The following CYP2J2 variants were observed in gnomAD, a reference collection of about 807,000 sequenced individuals.
CYP2J2 encodes the protein cytochrome P450 2J2.
A neutral mutation model predicts 48.8 loss-of-function variants in CYP2J2; 41 were observed. That is an observed-to-expected ratio of 0.84 (90% CI 0.66 to 1.09). The LOEUF (loss-of-function observed/expected upper bound fraction) is 1.09, where lower values mean the gene tolerates loss of function less well. Ranked by LOEUF, CYP2J2 falls within the 50% of genes least tolerant of loss-of-function variation. CYP2J2 has a pLI of 0.00. For synonymous variants in CYP2J2, 221 were observed against 227.1 expected, an observed-to-expected ratio of 0.97 and a Z score of 0.24; for missense variants, 644 against 617.3, an observed-to-expected ratio of 1.04 and a Z score of -0.46.
At chr1:59,916,741 G>C (rs1644469648) in intron 1 of CYP2J2, among the ~76,000 whole-genome samples, 1 of 151,956 alleles carries the variant, frequency 6.6e-6, no homozygotes, top group African/African-American at 2.4e-5. Flanking sequence ...TCAATATATA[G>C]ACATAGTAAA....
At chr1:59,918,219 T>C (rs1449663356) in intron 1 of CYP2J2, among the ~76,000 whole-genome samples, 1 of 152,186 alleles carries the variant, frequency 6.6e-6, no homozygotes, top group East Asian at 1.9e-4. Context: ...AATTCCTGGA[T>C]GAACTTCTTA....
the CYP2J2 span, among the ~76,000 whole-genome samples, chr1:59,959,484 C>T: frequency 1.6e-4 from 24 of 151,824 alleles, no homozygotes; most frequent in Admixed American, 2.6e-4. Flanking sequence ...GCACAATTCA[C>T]GATTGCAAAA....
chr1:59,925,767 A>C (rs930788753), intron 1 of CYP2J2, among the ~76,000 whole-genome samples: 11 of 152,368 alleles, frequency 7.2e-5, no homozygotes, highest in African/African-American at 2.6e-4. Context: ...GTTATGTACC[A>C]ACTATATGTC....
upstream of CYP2J2, among the ~76,000 whole-genome samples, chr1:59,927,390 T>A (rs945178362): frequency 1.3e-5 from 2 of 152,182 alleles, no homozygotes; most frequent in African/African-American, 2.4e-5. Context: ...CGATCCTTGC[T>A]GGTTTGCTCT....
At chr1:59,946,166 C>T in the CYP2J2 span, among the ~76,000 whole-genome samples, 1 of 152,190 alleles carries the variant, frequency 6.6e-6, no homozygotes, top group South Asian at 2.1e-4. Flanking sequence ...CTCTATATGG[C>T]CTGGCTTTTG....
At chr1:59,910,072 C>T in intron 4 of CYP2J2, 112 bp from the exon 5 acceptor site, 1 of 770,616 alleles carries the variant, frequency 1.3e-6, no homozygotes. Flanking sequence ...CACACTTAAA[C>T]CTTGGTTATC....
At chr1:59,968,489 G>A in the CYP2J2 span, among the ~76,000 whole-genome samples, 1 of 152,132 alleles carries the variant, frequency 6.6e-6, no homozygotes, top group East Asian at 1.9e-4. Context: ...GAGAAGAGAT[G>A]AGGCGGTGGG....
the CYP2J2 span, among the ~76,000 whole-genome samples, chr1:59,932,050 G>A: frequency 6.6e-6 from 1 of 151,990 alleles, no homozygotes; most frequent in Non-Finnish European, 1.5e-5. Flanking sequence ...TAGTAACTTG[G>A]TCATCATAAC....
At chr1:59,896,208 G>A (rs1202790188) in intron 8 of CYP2J2, among the ~76,000 whole-genome samples, 1 of 151,912 alleles carries the variant, frequency 6.6e-6, no homozygotes, top group Non-Finnish European at 1.5e-5. Flanking sequence ...TCCAGATGTT[G>A]TTGCCCCTAG....
intron 1 of CYP2J2, among the ~76,000 whole-genome samples, chr1:59,917,116 T>C (rs1367337191): frequency 6.6e-6 from 1 of 152,136 alleles, no homozygotes; most frequent in African/African-American, 2.4e-5. Flanking sequence ...TTTTTGAGCC[T>C]CAACTCCCCA....
At chr1:59,963,637 TC>T in the CYP2J2 span, among the ~76,000 whole-genome samples, 2 of 152,214 alleles carry the variant, frequency 1.3e-5, no homozygotes, top group African/African-American at 4.8e-5. Flanking sequence ...AATTAATGCT[TC>T]TATGAACATA....
At chr1:59,939,439 GTC>G in the CYP2J2 span, among the ~76,000 whole-genome samples, 7 of 151,880 alleles carry the variant, frequency 4.6e-5, no homozygotes, top group African/African-American at 7.3e-5. Context: ...AACAAATAGA[GTC>G]TCTCTCTCTC....
At chr1:59,932,941 T>G in the CYP2J2 span, among the ~76,000 whole-genome samples, 1 of 152,194 alleles carries the variant, frequency 6.6e-6, no homozygotes, top group Admixed American at 6.5e-5. Context: ...CCTCTAGTGA[T>G]CTGCCCTCTT....
the CYP2J2 span, among the ~76,000 whole-genome samples, chr1:59,932,747 C>T: frequency 6.6e-6 from 1 of 150,516 alleles, no homozygotes; most frequent in Non-Finnish European, 1.5e-5. Flanking sequence ...GTTGCCCAGG[C>T]TGGAGTGCAG....
At chr1:59,957,707 ACACACACAC>A in the CYP2J2 span, among the ~76,000 whole-genome samples, 2 of 151,512 alleles carry the variant, frequency 1.3e-5, no homozygotes, top group African/African-American at 2.4e-5. Flanking sequence ...CACACACCAC[ACACACACAC>A]CACACACACA....
the CYP2J2 span, among the ~76,000 whole-genome samples, chr1:59,949,021 A>C: frequency 6.6e-6 from 1 of 152,246 alleles, no homozygotes; most frequent in South Asian, 2.1e-4. Flanking sequence ...CAGCTTGGGC[A>C]ACATAGTGAG....
chr1:59,909,885 G>A lies in CYP2J2; in HGVS notation c.760C>T (p.Leu254=). ...ATCATATGAGAAACAAACAATTTCA[G>A]TTTTTTCCAGTTGCTGAAGAGAGTT... ...HQTLFSNWKK[L]KLFVSHMIDK... is the part of the protein sequence containing the mutation. Residue 254 remains leucine, a synonymous_variant, in exon 5 of 9, where the codon CTG becomes TTG. Coordinates refer to ENST00000371204, the MANE Select transcript of CYP2J2 (RefSeq NM_000775.4). The A allele has an allele frequency of 6.2e-7, 1 of 1,611,854 alleles. No individual in the cohort carries two copies. The highest frequency in any genetic ancestry group is 1.6e-4 in the Middle Eastern group (1 of 6,082).
chr1:59,926,340 C>A (rs904999652), intron 1 of CYP2J2, among the ~76,000 whole-genome samples, 197 bp downstream of exon 1: 1 of 152,086 alleles, frequency 6.6e-6, no homozygotes, highest in Non-Finnish European at 1.5e-5. Context: ...ATATTCCATC[C>A]CTAGAAAGTG....
chr1:59,928,572 C>T (rs1644587700), upstream of CYP2J2, among the ~76,000 whole-genome samples: 1 of 152,178 alleles, frequency 6.6e-6, no homozygotes, highest in African/African-American at 2.4e-5. Flanking sequence ...TTCTTATACC[C>T]AGCCCCCAGA....
Sources: gnomAD v4.1 joint callset for allele counts (sites outside exome capture counted in the v4.1 genomes callset) on GRCh38, gnomAD v4.1.1 for gene constraint, MANE v1.5 for transcripts, NCBI Gene and HGNC (gene_info 2026-07-23, HGNC 2026-07-21) for gene names.